Variants in KCNQ5 observed in about 807,000 individuals in gnomAD.
KCNQ5 encodes the protein potassium voltage-gated channel subfamily KQT member 5.
A neutral mutation model predicts 98.2 loss-of-function variants in KCNQ5; 30 were observed. The ratio of observed to expected loss-of-function variants is 0.31; its 90% CI spans 0.23 to 0.41. KCNQ5 has a LOEUF of 0.41. Ranked by LOEUF, KCNQ5 falls within the 10% of genes least tolerant of loss-of-function variation. The probability of loss-of-function intolerance (pLI) is 1.00; values close to 1 mark genes in which losing one functional copy is unlikely to be tolerated. For synonymous variants in KCNQ5, 458 were observed against 449.4 expected, an observed-to-expected ratio of 1.02 and a Z score of -0.24; for missense variants, 835 against 1,182.5, an observed-to-expected ratio of 0.71 and a Z score of 4.31.
chr6:72,916,810 C>T (rs1215235710), intron 1 of KCNQ5, among the ~76,000 whole-genome samples: 1 of 152,094 alleles, frequency 6.6e-6, no homozygotes, highest in Non-Finnish European at 1.5e-5. Flanking sequence ...CCATTTCTGC[C>T]TCTGGCAATG....
At chr6:73,161,289 G>A (rs1005510492) in intron 10 of KCNQ5, among the ~76,000 whole-genome samples, 1 of 152,166 alleles carries the variant, frequency 6.6e-6, no homozygotes, top group Non-Finnish European at 1.5e-5. Flanking sequence ...TTAGACTGGT[G>A]GTTTCCAGAG....
At chr6:72,716,081 C>G (rs527834409) in intron 1 of KCNQ5, among the ~76,000 whole-genome samples, 38 of 152,242 alleles carry the variant, frequency 2.5e-4, no homozygotes, top group South Asian at 1.7e-3. Flanking sequence ...ATAGTTGCAT[C>G]TTGTTCTTAA....
At chr6:73,013,843 A>G (rs976556450) in intron 2 of KCNQ5, among the ~76,000 whole-genome samples, 1 of 152,148 alleles carries the variant, frequency 6.6e-6, no homozygotes, top group African/African-American at 2.4e-5. Context: ...TAAGGCTTAC[A>G]ACACTTTTAC....
intron 1 of KCNQ5, among the ~76,000 whole-genome samples, chr6:72,865,232 C>T (rs778497383): frequency 1.3e-5 from 2 of 152,220 alleles, no homozygotes; most frequent in Non-Finnish European, 2.9e-5. Context: ...GTTCTTTCCA[C>T]ACTCTTGCAT....
At chr6:72,926,819 G>A (rs1765445358) in intron 1 of KCNQ5, among the ~76,000 whole-genome samples, 1 of 152,036 alleles carries the variant, frequency 6.6e-6, no homozygotes, top group Non-Finnish European at 1.5e-5. Flanking sequence ...ATAATATGTA[G>A]CAGAAATAGA....
chr6:73,193,944 C>T, intron 13 of KCNQ5, among the ~76,000 whole-genome samples: 1 of 151,502 alleles, frequency 6.6e-6, no homozygotes, highest in East Asian at 1.9e-4. Flanking sequence ...TCAGTCAATC[C>T]TCCCAACTCA....
chr6:72,686,398 G>C (rs1003400376), intron 1 of KCNQ5, among the ~76,000 whole-genome samples: 12 of 152,098 alleles, frequency 7.9e-5, no homozygotes, highest in African/African-American at 2.7e-4. Context: ...TAATATATGA[G>C]GCTGATGAAC....
intron 9 of KCNQ5, among the ~76,000 whole-genome samples, chr6:73,125,693 A>T (rs1775952878): frequency 6.6e-6 from 1 of 152,164 alleles, no homozygotes; most frequent in Non-Finnish European, 1.5e-5. Flanking sequence ...GTTTATATGT[A>T]AAGATAAACA....
intron 2 of KCNQ5, among the ~76,000 whole-genome samples, chr6:73,032,005 C>T (rs181187625): frequency 9.1e-4 from 139 of 152,214 alleles, no homozygotes; most frequent in African/African-American, 3.0e-3. Flanking sequence ...CCCTGACCTG[C>T]CTCTCACTCT....
intron 1 of KCNQ5, among the ~76,000 whole-genome samples, chr6:72,895,288 CAAA>C (rs774007820): frequency 5.0e-5 from 5 of 99,718 alleles, no homozygotes; most frequent in African/African-American, 3.7e-5. Context: ...GACTCGGTCT[CAAA>C]AAAAAAAAAA....
chr6:73,002,772 T>C (rs1666324179), intron 1 of KCNQ5, among the ~76,000 whole-genome samples: 1 of 152,200 alleles, frequency 6.6e-6, no homozygotes, highest in South Asian at 2.1e-4. Flanking sequence ...ACTGTGACTG[T>C]GTGCTGATAA....
At chr6:72,632,406 G>T (rs1228726942) in intron 1 of KCNQ5, among the ~76,000 whole-genome samples, 15 of 151,938 alleles carry the variant, frequency 9.9e-5, no homozygotes. Flanking sequence ...CTCCCAAAGT[G>T]CTGGGATTAC....
At chr6:72,879,750 G>GT (rs947464630) in intron 1 of KCNQ5, among the ~76,000 whole-genome samples, 8 of 151,924 alleles carry the variant, frequency 5.3e-5, no homozygotes, top group South Asian at 2.1e-4. Flanking sequence ...ATTTGGAGGG[G>GT]TTTTTTTGTG....
At chr6:72,634,155 G>A (rs1413110193) in intron 1 of KCNQ5, among the ~76,000 whole-genome samples, 10 of 152,190 alleles carry the variant, frequency 6.6e-5, no homozygotes, top group Non-Finnish European at 4.4e-5. Context: ...TTGGGGTCTA[G>A]TATAGCTCTC....
rs146511524 is a variant in KCNQ5, at chr6:72,726,492, C to T, written c.398+103905C>T. On this transcript the variant is annotated intron_variant, in intron 1 of 13. Coordinates refer to ENST00000370398, the MANE Select transcript of KCNQ5 (RefSeq NM_019842.4). The stretch of plus-strand genomic sequence containing the variant: ...CCTCCCAAAGTGCTAGGATTACAGG[C>T]GTAAGCCACCACGCCCAGCCAAAAA... Among the ~76,000 whole-genome samples, 26 of 152,220 alleles carry T rather than the reference C, an allele frequency of 1.7e-4. 1 individual carries two copies. In the East Asian group the frequency reaches 4.4e-3, roughly 26 times the overall value.
chr6:73,141,149 G>C (rs565503868), intron 10 of KCNQ5, among the ~76,000 whole-genome samples: 37 of 152,308 alleles, frequency 2.4e-4, no homozygotes, highest in African/African-American at 6.5e-4. Context: ...CCAAGATCAT[G>C]GTGCTGGAAG....
rs372629186 is a variant in KCNQ5 at position 73,041,670 on chromosome 6, T to C, written c.490-266T>C. Among the ~76,000 whole-genome samples the C allele has an allele frequency of 2.6e-5, 4 of 152,314 alleles. No individual in the cohort carries two copies. The South Asian group carries it at 8.3e-4, about 32-fold the overall frequency. On this transcript the variant is annotated intron_variant, in intron 2 of 13. Transcript: ENST00000370398. ...ACAGATCCATTATTCAGCCTGCACATTTAGTATTGAAACTGACTCCCAAAT... is the reference window on the plus strand; with the variant it reads ...ACAGATCCATTATTCAGCCTGCACACTTAGTATTGAAACTGACTCCCAAAT...
chr6:72,802,467 A>G (rs1486345115), intron 1 of KCNQ5, among the ~76,000 whole-genome samples: 3 of 152,134 alleles, frequency 2.0e-5, no homozygotes, highest in Admixed American at 2.0e-4. Flanking sequence ...CAAAATAAAC[A>G]ATCCTCTTTT....
At chr6:72,912,278 A>T (rs1371653583) in intron 1 of KCNQ5, among the ~76,000 whole-genome samples, 1 of 152,196 alleles carries the variant, frequency 6.6e-6, no homozygotes, top group Non-Finnish European at 1.5e-5. Context: ...AAAAAAACTT[A>T]ATGGGCATAT....
Sources: allele counts gnomAD v4.1 joint callset (sites outside exome capture counted in the v4.1 genomes callset), GRCh38; gene constraint gnomAD v4.1.1; transcripts MANE v1.5; gene names NCBI Gene and HGNC (gene_info 2026-07-23, HGNC 2026-07-21).